Variants in RASGEF1C observed in about 807,000 individuals in gnomAD.
RASGEF1C encodes ras-GEF domain-containing family member 1C.
A neutral mutation model predicts 58.1 loss-of-function variants in RASGEF1C; 27 were observed. The observed-to-expected ratio is 0.46, with a 90% confidence interval of 0.34 to 0.64. The LOEUF (loss-of-function observed/expected upper bound fraction) is 0.64, where lower values mean the gene tolerates loss of function less well. Among genes scored for constraint, RASGEF1C ranks in the 30% least tolerant of loss-of-function variants. RASGEF1C has a pLI of 0.01. For synonymous variants in RASGEF1C, 243 were observed against 246.3 expected, an observed-to-expected ratio of 0.99 and a Z score of 0.13; for missense variants, 502 against 605.1, an observed-to-expected ratio of 0.83 and a Z score of 1.79.
intron 12 of RASGEF1C, among the ~76,000 whole-genome samples, chr5:180,110,364 A>C (rs1192413992): frequency 6.6e-6 from 1 of 151,694 alleles, no homozygotes; most frequent in African/African-American, 2.4e-5. Context: ...AAGTATTCAA[A>C]AGCAAAATCA....
At position 180,119,194 on chromosome 5, in the gene RASGEF1C, TG is replaced by T. The variant is rs375326300; in HGVS notation, c.907+151del. On this transcript the variant is annotated intron_variant, in intron 8 of 13. Coordinates refer to ENST00000361132, the MANE Select transcript of RASGEF1C (RefSeq NM_175062.4). Reference sequence around the variant, plus strand: ...CCCCAGGACCTCTGAGGTGGGGACATGGGGCTGCCCAGGCCTTCAGAGAGCC... The same window carrying T: ...CCCCAGGACCTCTGAGGTGGGGACATGGGCTGCCCAGGCCTTCAGAGAGCC... 1.9e-4 allele frequency: 129 copies of T among 694,032 alleles called. 1 individual carries two copies. The highest frequency in any genetic ancestry group is 1.8e-3 in the African/African-American group (103 of 56,438). The allele number at this position is 694,032 out of a possible 1,614,324, so 43.0% of individuals were successfully genotyped here. A position where few individuals can be genotyped will look rare whatever the true frequency, so the allele number is the denominator to read the frequency against.
Position 180,137,581 on chromosome 5 carries a change from C to T in RASGEF1C, c.300+9G>A, listed in dbSNP as rs931860314. The T allele has an allele frequency of 1.8e-5, 29 of 1,608,686 alleles. No homozygotes were observed. The highest frequency in any genetic ancestry group is 2.5e-5 in the Non-Finnish European group (29 of 1,178,664). On this transcript the variant is annotated intron_variant, in intron 3 of 13. Coordinates refer to ENST00000361132, the MANE Select transcript of RASGEF1C (RefSeq NM_175062.4). The surrounding 1 kb of genome is among the most constrained non-coding windows in gnomAD (Gnocchi z 4.1). ...ACTCTGAGACCCCCTGGCCTGCCCT[C>T]CGCCTCACCTTGTCCAGCACCGGCT...
chr5:180,168,394 CTG>C lies in RASGEF1C; in HGVS notation c.-6-30338_-6-30337del, dbSNP rs1440950180. 6.6e-6 allele frequency among the ~76,000 whole-genome samples: 1 copy of C among 152,146 alleles called. No homozygotes were observed. The highest frequency in any genetic ancestry group is 1.5e-5 in the Non-Finnish European group (1 of 68,034). Reference sequence around the variant, plus strand: ...GTTGCCATGAGCCGAGATGGCGCCACTGCACTCCAGCCTGGGCAACAAGAGCG... The same window carrying C: ...GTTGCCATGAGCCGAGATGGCGCCACCACTCCAGCCTGGGCAACAAGAGCG... On this transcript the variant is annotated intron_variant, in intron 1 of 13. Transcript: ENST00000361132. This position sits in a 1 kb window ranked among gnomAD's most constrained non-coding sequence, Gnocchi z 6.0.
intron 6 of RASGEF1C, among the ~76,000 whole-genome samples, chr5:180,124,411 G>C (rs962221414): frequency 6.6e-6 from 1 of 152,172 alleles, no homozygotes; most frequent in Non-Finnish European, 1.5e-5. Flanking sequence ...TCTCACTGAC[G>C]ATTATAGTTG....
At chr5:180,194,702 C>T (rs1430816878) in intron 1 of RASGEF1C, among the ~76,000 whole-genome samples, 2 of 152,256 alleles carry the variant, frequency 1.3e-5, no homozygotes, top group Admixed American at 6.5e-5. Flanking sequence ...CTACCGTCAG[C>T]CACTCCAGTC....
At chr5:180,182,332 A>C (rs1181340609) in intron 1 of RASGEF1C, among the ~76,000 whole-genome samples, 1 of 151,944 alleles carries the variant, frequency 6.6e-6, no homozygotes, top group Non-Finnish European at 1.5e-5. Context: ...CGCTGACTTC[A>C]AGAATGAAGC....
intron 1 of RASGEF1C, among the ~76,000 whole-genome samples, chr5:180,199,381 G>A (rs1359506936): frequency 3.3e-5 from 5 of 152,128 alleles, no homozygotes; most frequent in African/African-American, 1.2e-4. Context: ...CCGGATCCTG[G>A]ATATTAAAAT....
At chr5:180,182,091 G>A (rs935334742) in intron 1 of RASGEF1C, among the ~76,000 whole-genome samples, 1 of 151,302 alleles carries the variant, frequency 6.6e-6, no homozygotes, top group Non-Finnish European at 1.5e-5. Context: ...TGTAGTCCCA[G>A]CTACACGGGA....
chr5:180,183,028 G>A (rs1181226901), intron 1 of RASGEF1C, among the ~76,000 whole-genome samples: 1 of 152,228 alleles, frequency 6.6e-6, no homozygotes, highest in African/African-American at 2.4e-5. Context: ...GCAAGTTTAA[G>A]TAAAGCCTGT....
chr5:180,120,933 G>C, intron 7 of RASGEF1C, 127 bp downstream of exon 7: 1 of 663,286 alleles, frequency 1.5e-6, no homozygotes, highest in Non-Finnish European at 2.7e-6. Flanking sequence ...GGGGTGCCCA[G>C]CCTGGCCTTG....
intron 1 of RASGEF1C, among the ~76,000 whole-genome samples, chr5:180,190,887 A>C (rs1296619355): frequency 6.6e-6 from 1 of 152,236 alleles, no homozygotes; most frequent in Non-Finnish European, 1.5e-5. Flanking sequence ...ATAAAATGGC[A>C]GCCAGGTATT....
intron 1 of RASGEF1C, among the ~76,000 whole-genome samples, chr5:180,207,404 C>T (rs1227154233): frequency 6.6e-6 from 1 of 152,236 alleles, no homozygotes; most frequent in African/African-American, 2.4e-5. Flanking sequence ...AAGCCCGGGT[C>T]CCACGCAAGG....
At chr5:180,121,658 CACACACACACACACACACACACA>C (rs1026996334) in intron 6 of RASGEF1C, among the ~76,000 whole-genome samples, 15 of 86,470 alleles carry the variant, frequency 1.7e-4, no homozygotes, top group Non-Finnish European at 3.1e-4. Context: ...CACACACACA[CACACACACACACACACACACACA>C]CCCTCATTAT....
chr5:180,177,371 C>T lies in RASGEF1C; in HGVS notation c.-7+31657G>A, dbSNP rs897881166. On this transcript the variant is annotated intron_variant, in intron 1 of 13. Coordinates refer to ENST00000361132, the MANE Select transcript of RASGEF1C (RefSeq NM_175062.4). The surrounding 1 kb of genome is among the most constrained non-coding windows in gnomAD (Gnocchi z 5.0). Reference sequence around the variant, plus strand: ...GCTGTTCATCGGCTCCATTTTTAACCTTCCTTAGTCCCAGCAGCCCCAGCA... The same window carrying T: ...GCTGTTCATCGGCTCCATTTTTAACTTTCCTTAGTCCCAGCAGCCCCAGCA... 5.8e-4 allele frequency among the ~76,000 whole-genome samples: 89 copies of T among 152,338 alleles called. 1 individual carries two copies. The highest frequency in any genetic ancestry group is 2.0e-3 in the African/African-American group (85 of 41,588).
chr5:180,165,750 CTTTTT>C (rs372734323), intron 1 of RASGEF1C, among the ~76,000 whole-genome samples: 1 of 107,370 alleles, frequency 9.3e-6, no homozygotes, highest in African/African-American at 3.4e-5. Flanking sequence ...TTAATTTTTC[CTTTTT>C]TTTTTTTTTT....
intron 4 of RASGEF1C, among the ~76,000 whole-genome samples, chr5:180,134,696 C>T (rs1475123618): frequency 1.3e-5 from 2 of 150,730 alleles, no homozygotes; most frequent in Non-Finnish European, 3.0e-5. Context: ...ATCGGTCCAC[C>T]ATTCACTTTC....
At position 180,197,628 on chromosome 5, in the gene RASGEF1C, C is replaced by A. The variant is rs527541956; in HGVS notation, c.-7+11400G>T. 3.3e-5 allele frequency among the ~76,000 whole-genome samples: 5 copies of A among 152,314 alleles called. No homozygotes were observed. The East Asian group carries it at 9.6e-4, about 29-fold the overall frequency. Reference sequence around the variant, plus strand: ...ACTGGCTGCATGGCCCTGGGATGTCCCCTTGTGTCCCTGAGCCTCAGTTTC... The same window carrying A: ...ACTGGCTGCATGGCCCTGGGATGTCACCTTGTGTCCCTGAGCCTCAGTTTC... On this transcript the variant is annotated intron_variant, in intron 1 of 13. Transcript: ENST00000361132. This position sits in a 1 kb window ranked among gnomAD's most constrained non-coding sequence, Gnocchi z 4.7.
intron 1 of RASGEF1C, among the ~76,000 whole-genome samples, chr5:180,139,768 GGGATGGGCCGGCTGCA>G (rs1217029404): frequency 2.0e-5 from 3 of 152,222 alleles, no homozygotes; most frequent in Non-Finnish European, 4.4e-5. Context: ...GGACAGCTGC[GGGATGGGCCGGCTGCA>G]GGGTGCACGC....
intron 1 of RASGEF1C, among the ~76,000 whole-genome samples, chr5:180,200,026 T>C (rs1756356247): frequency 1.3e-5 from 2 of 151,686 alleles, no homozygotes; most frequent in African/African-American, 2.4e-5. Flanking sequence ...CTTTGGGAGG[T>C]TGAGGCGGGT....
Sources: allele counts gnomAD v4.1 joint callset (sites outside exome capture counted in the v4.1 genomes callset), GRCh38; gene constraint gnomAD v4.1.1; non-coding constraint Gnocchi (gnomAD v3.1); transcripts MANE v1.5; gene names NCBI Gene and HGNC (gene_info 2026-07-23, HGNC 2026-07-21).